BMPR1A: variants seen among roughly 807,000 people sequenced by gnomAD.
BMPR1A encodes bone morphogenetic protein receptor type 1A.
BMPR1A carries 7 observed loss-of-function variants against 66.0 expected under a neutral mutation model. That is an observed-to-expected ratio of 0.11 (90% CI 0.06 to 0.20). The LOEUF is 0.20. Ranked by LOEUF, BMPR1A falls within the 10% of genes least tolerant of loss-of-function variation. BMPR1A has a pLI of 1.00. For synonymous variants in BMPR1A, 200 were observed against 229.7 expected (o/e 0.87, Z 1.17); for missense variants, 408 against 669.1 (o/e 0.61, Z 4.31).
At chr10:86,923,082 T>C (rs1843690445) in intron 11 of BMPR1A, among the ~76,000 whole-genome samples, 1 of 152,238 alleles carries the variant, frequency 6.6e-6, no homozygotes, top group Non-Finnish European at 1.5e-5. Context: ...ATAATTATAC[T>C]TTAGGGTAAA....
chr10:86,856,045 T>A (rs1464419944), intron 2 of BMPR1A: 1 of 602,764 alleles, frequency 1.7e-6, no homozygotes, highest in Non-Finnish European at 3.2e-6. Flanking sequence ...AATTTGTGCT[T>A]CAAAAAACTC....
intron 2 of BMPR1A, chr10:86,855,803 C>G: frequency 1.8e-6 from 2 of 1,133,062 alleles, no homozygotes; most frequent in South Asian, 3.3e-5. Context: ...TGGTCTGTTT[C>G]CTGGTAGAAT....
chr10:86,920,996 T>C (rs891882307), intron 10 of BMPR1A, among the ~76,000 whole-genome samples: 1 of 151,800 alleles, frequency 6.6e-6, no homozygotes, highest in Non-Finnish European at 1.5e-5. Context: ...GCTGGAATTA[T>C]AGTCATGTGC....
intron 1 of BMPR1A, among the ~76,000 whole-genome samples, chr10:86,790,367 G>C (rs897817213): frequency 6.6e-6 from 1 of 151,112 alleles, no homozygotes; most frequent in African/African-American, 2.4e-5. Flanking sequence ...ATATAAAATC[G>C]TGCAGCTGGT....
intron 1 of BMPR1A, among the ~76,000 whole-genome samples, chr10:86,776,758 T>C (rs1018800815): frequency 2.6e-5 from 4 of 152,216 alleles, no homozygotes; most frequent in African/African-American, 7.2e-5. Context: ...TTTTGTCTTA[T>C]ATGGCTCATT....
intron 2 of BMPR1A, among the ~76,000 whole-genome samples, chr10:86,842,103 A>G (rs1379409877): frequency 3.3e-5 from 5 of 152,166 alleles, no homozygotes; most frequent in Non-Finnish European, 7.3e-5. Flanking sequence ...CACAGGTAAA[A>G]TAACCTGGGC....
chr10:86,912,165 G>C (rs1564721869), intron 7 of BMPR1A, 75 bp from the exon 8 acceptor site: 15 of 1,501,858 alleles, frequency 1.0e-5, no homozygotes, highest in South Asian at 9.3e-5. Context: ...TAATGGTATA[G>C]AGAACCTCAA....
chr10:86,829,908 G>T (rs1245397299), intron 1 of BMPR1A, among the ~76,000 whole-genome samples: 2 of 152,090 alleles, frequency 1.3e-5, no homozygotes, highest in East Asian at 3.8e-4. Flanking sequence ...ATTTCTTTGG[G>T]AGAGGTGCTG....
chr10:86,855,688 G>T, intron 2 of BMPR1A: 1 of 722,482 alleles, frequency 1.4e-6, no homozygotes, highest in South Asian at 1.7e-5. Context: ...ACTGCTCAGT[G>T]ACATCCACTA....
At chr10:86,898,331 G>A (rs976924604) in intron 5 of BMPR1A, among the ~76,000 whole-genome samples, 4 of 151,824 alleles carry the variant, frequency 2.6e-5, no homozygotes, top group African/African-American at 9.7e-5. Flanking sequence ...ATTATCTATT[G>A]TAGTTTCCAA....
At chr10:86,798,233 G>A (rs747219460) in intron 1 of BMPR1A, among the ~76,000 whole-genome samples, 12 of 151,798 alleles carry the variant, frequency 7.9e-5, no homozygotes, top group South Asian at 2.1e-4. Context: ...GCTTACTACC[G>A]TATGACATTT....
downstream of BMPR1A, chr10:86,932,385 G>C (rs1173737838): frequency 1.3e-5 from 2 of 152,122 alleles, no homozygotes; most frequent in Non-Finnish European, 2.9e-5. Flanking sequence ...GTGTGGTTGG[G>C]TTTTTTGTTT....
At chr10:86,794,643 A>G (rs1476754471) in intron 1 of BMPR1A, among the ~76,000 whole-genome samples, 3 of 152,130 alleles carry the variant, frequency 2.0e-5, no homozygotes, top group Admixed American at 6.5e-5. Context: ...CGTTCAGTAC[A>G]TTCTTTGATA....
Position 86,924,414 on chromosome 10 carries a change from T to C in BMPR1A, c.*695T>C. 1 of 233,842 alleles carries C rather than the reference T, an allele frequency of 4.3e-6. No individual in the cohort carries two copies. The highest frequency in any genetic ancestry group is 8.5e-6 in the Non-Finnish European group (1 of 118,124). 14.5% of individuals were successfully genotyped at this position (233,842 alleles called of 1,614,324 possible). A position where few individuals can be genotyped will look rare whatever the true frequency, so the allele number is the denominator to read the frequency against. ...CAAGCCATTTACTTTGCAAGTGAGATAGCTTCCCCACCAGCTTTATTTTTT... is the reference window on the plus strand; with the variant it reads ...CAAGCCATTTACTTTGCAAGTGAGACAGCTTCCCCACCAGCTTTATTTTTT... On this transcript the variant is annotated 3_prime_UTR_variant, in exon 13 of 13. Transcript: ENST00000372037.
intron 8 of BMPR1A, 34 bp from the exon 9 acceptor site, chr10:86,917,100 C>T (rs910485164): frequency 1.1e-5 from 17 of 1,608,320 alleles, no homozygotes; most frequent in Middle Eastern, 3.3e-4. Flanking sequence ...TTTCTTTCAT[C>T]AAGAGCTCAA....
chr10:86,776,960 A>T (rs1841358946), intron 1 of BMPR1A, among the ~76,000 whole-genome samples: 1 of 152,132 alleles, frequency 6.6e-6, no homozygotes, highest in African/African-American at 2.4e-5. Flanking sequence ...TTTCAGTTCT[A>T]CCCTGATCAT....
intron 7 of BMPR1A, among the ~76,000 whole-genome samples, chr10:86,903,333 G>A (rs1158821104): frequency 6.6e-6 from 1 of 151,950 alleles, no homozygotes. Flanking sequence ...TCAAGACATG[G>A]CAGATTTTGT....
intron 5 of BMPR1A, among the ~76,000 whole-genome samples, chr10:86,899,040 C>A (rs1843268818): frequency 6.6e-6 from 1 of 152,184 alleles, no homozygotes. Context: ...TATACTGAGG[C>A]TTTTCCTTAA....
At chr10:86,859,278 TAAATG>T (rs1842683354) in intron 2 of BMPR1A, among the ~76,000 whole-genome samples, 1 of 152,150 alleles carries the variant, frequency 6.6e-6, no homozygotes, top group African/African-American at 2.4e-5. Flanking sequence ...ATTAAAGACT[TAAATG>T]TAAGACAAAG....
Sources: allele counts gnomAD v4.1 joint callset (sites outside exome capture counted in the v4.1 genomes callset), GRCh38; gene constraint gnomAD v4.1.1; transcripts MANE v1.5; gene names NCBI Gene and HGNC (gene_info 2026-07-23, HGNC 2026-07-21).